MPP4: variants seen among roughly 807,000 people sequenced by gnomAD.
The protein encoded by MPP4 is MAGUK p55 subfamily member 4.
MPP4 carries 91 observed loss-of-function variants against 98.3 expected under a neutral mutation model. The observed-to-expected ratio is 0.93, with a 90% CI of 0.78 to 1.10. The LOEUF (loss-of-function observed/expected upper bound fraction) is 1.10. Among genes scored for constraint, MPP4 ranks in the 50% least tolerant of loss-of-function variants. MPP4 has a pLI of 0.00. For missense variants in MPP4, 744 were observed against 792.9 expected, an observed-to-expected ratio of 0.94 and a Z score of 0.74; for synonymous variants, 261 against 271.8, an observed-to-expected ratio of 0.96 and a Z score of 0.39.
chr2:201,655,535 A>G (rs932550079), intron 17 of MPP4, among the ~76,000 whole-genome samples: 2 of 152,192 alleles, frequency 1.3e-5, no homozygotes, highest in South Asian at 4.1e-4. Flanking sequence ...GGGCCTGCAA[A>G]TGATATTGCT....
At position 201,669,669 on chromosome 2, in the gene MPP4, A is replaced by C. The variant is rs532566971; in HGVS notation, c.1012+64T>G. 7 of 1,220,528 alleles carry C rather than the reference A, an allele frequency of 5.7e-6. No individual in the cohort carries two copies. In the African/African-American group the frequency reaches 7.7e-5, roughly 13 times the overall value. 75.6% of individuals were successfully genotyped at this position (1,220,528 alleles called of 1,614,324 possible). A position where few individuals can be genotyped will look rare whatever the true frequency, so the allele number is the denominator to read the frequency against. ...TGAACTGAATTAAAGTGAATTCTTT[A>C]AACTACAAGAAATTTCTAAAAGACT... On this transcript the variant is annotated intron_variant, in intron 12 of 21. Coordinates refer to ENST00000409474, the MANE Select transcript of MPP4 (RefSeq NM_033066.3).
chr2:201,681,026 G>T lies in MPP4; in HGVS notation c.741C>A (p.Val247=), dbSNP rs781311143. ...PPVNSQQMVY[V]RAMTEYWPQE... is the part of the protein sequence containing the mutation. ...GGGGCCAGTACTCAGTCATGGCACG[G>T]ACGTACACCTGATGGCAGGTGCATA... The change falls in exon 10 of 22, where the codon GTC becomes GTA. Residue 247 remains valine (V), a synonymous_variant. Transcript: ENST00000409474. 2.5e-6 allele frequency: 4 copies of T among 1,610,472 alleles called. No homozygotes were observed. The East Asian group carries it at 8.9e-5, about 36-fold the overall frequency.
In MPP4 at chr2:201,658,625, G is replaced by C. The variant is rs1288465461; in HGVS notation, c.1088-107C>G. The C allele has an allele frequency of 9.2e-6, 8 of 872,170 alleles. No homozygotes were observed. The South Asian group carries it at 1.2e-4, about 13-fold the overall frequency. The allele number at this position is 872,170 out of a possible 1,614,324, so 54.0% of individuals were successfully genotyped here. On this transcript the variant is annotated intron_variant, in intron 15 of 21. Coordinates refer to ENST00000409474, the MANE Select transcript of MPP4 (RefSeq NM_033066.3). Reference sequence around the variant, plus strand: ...TTTTCAAGTGACCACCTTAGTAGACGGCAGCAGAGTTGAATTTATCCTTGA... The same window carrying C: ...TTTTCAAGTGACCACCTTAGTAGACCGCAGCAGAGTTGAATTTATCCTTGA...
chr2:201,698,103 A>C, intron 1 of MPP4: 1 of 994,216 alleles, frequency 1.0e-6, no homozygotes, highest in South Asian at 4.5e-5. Flanking sequence ...AAGATGCATT[A>C]GTGTGACTGA....
intron 13 of MPP4, 27 bp from the exon 14 acceptor site, chr2:201,664,128 C>A (rs758663068): frequency 2.4e-5 from 36 of 1,529,978 alleles, no homozygotes; most frequent in East Asian, 1.9e-4. Context: ...AGGCAAAAAT[C>A]AAAAATGTTA....
At position 201,695,910 on chromosome 2, in the gene MPP4, C is replaced by G. The variant is rs542975875; in HGVS notation, c.-100-1856G>C. On this transcript the variant is annotated intron_variant, in intron 1 of 21. Coordinates refer to ENST00000409474, the MANE Select transcript of MPP4 (RefSeq NM_033066.3). ...TGTTATAGTAGGACAATAAAGAATA[C>G]ATTAAGGTTTTTGTTATAAAAGGAA... is the stretch of plus-strand genomic sequence containing the variant. Among the ~76,000 whole-genome samples, 65 of 152,242 alleles carry G rather than the reference C, an allele frequency of 4.3e-4. 2 individuals are homozygous for G. The South Asian group carries it at 0.013, about 32-fold the overall frequency.
chr2:201,698,624 A>G lies in MPP4; in HGVS notation c.-138T>C, dbSNP rs1235602198. 7.7e-7 allele frequency: 1 copy of G among 1,303,020 alleles called. No homozygotes were observed. Among genetic ancestry groups the G allele is most frequent in the Non-Finnish European group, 1.0e-6 (1 of 988,562 alleles). The allele number at this position is 1,303,020 out of a possible 1,614,324, so 80.7% of individuals were successfully genotyped here. A position where few individuals can be genotyped will look rare whatever the true frequency, so the allele number is the denominator to read the frequency against. ...AAACATGCATGTTGCTCCTATCCAG[A>G]CAAAAGCTTTAGTAGGATACTAGTG... On this transcript the variant is annotated 5_prime_UTR_variant, in exon 1 of 22. Transcript: ENST00000409474.
rs745412884 is a variant in MPP4 at position 201,657,609 on chromosome 2, G to GTTTT, written c.1129+864_1129+867dup. On this transcript the variant is annotated intron_variant, in intron 16 of 21. Coordinates refer to ENST00000409474, the MANE Select transcript of MPP4 (RefSeq NM_033066.3). ...GCCCTTGTTTTTTTTTTGTTTTTTT[G>GTTTT]TTTTTTTTTGCTTATTGTATCAATC... Among the ~76,000 whole-genome samples, 33 of 111,726 alleles carry GTTTT rather than the reference G, an allele frequency of 3.0e-4. 2 individuals carry two copies. Among genetic ancestry groups the GTTTT allele is most frequent in the African/African-American group, 8.9e-4 (27 of 30,258 alleles). The allele number at this position is 111,726 out of a possible 152,430, so 73.3% of individuals were successfully genotyped here. A position where few individuals can be genotyped will look rare whatever the true frequency, so the allele number is the denominator to read the frequency against.
chr2:201,656,235 T>A lies in MPP4; in HGVS notation c.1263A>T (p.Arg421=), dbSNP rs1372336894. ...TGAGGCGGTACTTGTCTGAAGGGCG[T>A]CGCTGGTACCTCACCACCTCCTCGT... ...APYEEVVRYQ[R]RPSDKYRLIV... is the part of the protein sequence containing the mutation. The change falls in exon 17 of 22, where the codon CGA becomes CGT. Residue 421 remains arginine, a synonymous_variant. Coordinates refer to ENST00000409474, the MANE Select transcript of MPP4 (RefSeq NM_033066.3). 1.9e-6 allele frequency: 3 copies of A among 1,604,956 alleles called. No individual in the cohort carries two copies. In the East Asian group the frequency reaches 6.7e-5, roughly 36 times the overall value.
chr2:201,690,287 A>C lies in MPP4; in HGVS notation c.202-8T>G, dbSNP rs1369242501. On this transcript the variant is annotated splice_polypyrimidine_tract_variant and splice_region_variant and intron_variant, in intron 3 of 21. Coordinates refer to ENST00000409474, the MANE Select transcript of MPP4 (RefSeq NM_033066.3). ...CTGGAGGCAGTCATAAATCTGCAGAAGGACAAGGGAGGGAGAATTGATATT... is the reference window on the plus strand; with the variant it reads ...CTGGAGGCAGTCATAAATCTGCAGACGGACAAGGGAGGGAGAATTGATATT... The C allele has an allele frequency of 2.5e-6, 4 of 1,568,904 alleles. No individual in the cohort carries two copies. The highest frequency in any genetic ancestry group is 3.5e-6 in the Non-Finnish European group (4 of 1,145,612).
chr2:201,649,766 G>A, intron 19 of MPP4, 82 bp from the exon 20 acceptor site: 1 of 896,350 alleles, frequency 1.1e-6, no homozygotes, highest in Admixed American at 2.1e-5. Context: ...AACTGCACTA[G>A]AGTTGAATAT....
intron 10 of MPP4, among the ~76,000 whole-genome samples, chr2:201,676,483 A>G (rs1688508943): frequency 6.6e-6 from 1 of 152,260 alleles, no homozygotes; most frequent in Admixed American, 6.5e-5. Flanking sequence ...CGCATTTGGC[A>G]TCGTGAGGAC....
At chr2:201,690,389 G>A (rs1688977183) in intron 3 of MPP4, 110 bp from the exon 4 acceptor site, 4 of 660,818 alleles carry the variant, frequency 6.1e-6, no homozygotes, top group South Asian at 5.9e-5. Flanking sequence ...ACCAATGGCT[G>A]CACAGCACGG....
At chr2:201,661,280 C>T (rs573521105) in intron 14 of MPP4, among the ~76,000 whole-genome samples, 2 of 151,584 alleles carry the variant, frequency 1.3e-5, no homozygotes, top group South Asian at 4.2e-4. Flanking sequence ...CTCGTCACCT[C>T]CTGGGGAAAT....
Position 201,644,974 on chromosome 2 carries a change from CATT to C in MPP4, c.*233_*235del, listed in dbSNP as rs1687522425. ...AAGGTTCTCATACTCAGTGACTTAA[CATT>C]ATTCATATTTCTACCACAGCTGCAT... On this transcript the variant is annotated 3_prime_UTR_variant, in exon 22 of 22. Coordinates refer to ENST00000409474, the MANE Select transcript of MPP4 (RefSeq NM_033066.3). 5 of 338,954 alleles carry C rather than the reference CATT, an allele frequency of 1.5e-5. No homozygotes were observed. The South Asian group carries it at 6.7e-4, about 45-fold the overall frequency. 21.0% of individuals were successfully genotyped at this position (338,954 alleles called of 1,614,324 possible).
chr2:201,663,351 C>T (rs1688077955), intron 14 of MPP4, among the ~76,000 whole-genome samples: 1 of 152,248 alleles, frequency 6.6e-6, no homozygotes, highest in South Asian at 2.1e-4. Flanking sequence ...CAAAATGCTA[C>T]ATCAGGGACA....
At chr2:201,677,822 G>A (rs1255563253) in intron 10 of MPP4, among the ~76,000 whole-genome samples, 1 of 152,130 alleles carries the variant, frequency 6.6e-6, no homozygotes, top group African/African-American at 2.4e-5. Context: ...GAGAAAAATT[G>A]TTTGTAGATA....
At chr2:201,698,566 T>G (rs540339018) in intron 1 of MPP4, 21 bp downstream of exon 1, 27 of 1,303,064 alleles carry the variant, frequency 2.1e-5, no homozygotes, top group Non-Finnish European at 2.7e-5. Flanking sequence ...TAACTGAGGA[T>G]TATTTGCCAA....
Position 201,693,880 on chromosome 2 carries a change from C to A in MPP4, c.75G>T (p.Gln25His). 1 of 1,613,976 alleles carries A rather than the reference C, an allele frequency of 6.2e-7. No individual in the cohort carries two copies. Among genetic ancestry groups the A allele is most frequent in the Non-Finnish European group, 8.5e-7 (1 of 1,179,852 alleles). ...AGGAGTCCTGGTGACACATACCATT[C>A]TGTGGATTGGTGGCTGTAGAAAGCT... ...DMKLSTATNPQNGLSQILRLV... is the reference protein window; with the variant it reads ...DMKLSTATNPHNGLSQILRLV... The change falls in exon 2 of 22, where the codon CAG becomes CAT. Residue 25 changes from glutamine (Q) to histidine (H), a missense_variant. Physicochemically the swap from Gln to His is conservative, Grantham distance 24. Coordinates refer to ENST00000409474, the MANE Select transcript of MPP4 (RefSeq NM_033066.3).
Sources: gnomAD v4.1 joint callset for allele counts (sites outside exome capture counted in the v4.1 genomes callset) on GRCh38, gnomAD v4.1.1 for gene constraint, MANE v1.5 for transcripts, NCBI Gene and HGNC (gene_info 2026-07-23, HGNC 2026-07-21) for gene names.